The following PPARGC1A variants were observed in gnomAD, a reference collection of about 807,000 sequenced individuals.
The protein encoded by PPARGC1A is PPARG coactivator 1 alpha, also known as peroxisome proliferator-activated receptor gamma coactivator 1-alpha.
In PPARGC1A, 25 loss-of-function variants were observed where a neutral mutation model predicts 88.7. The observed-to-expected ratio is 0.28, with a 90% CI of 0.21 to 0.39. PPARGC1A has a LOEUF of 0.39. Among genes scored for constraint, PPARGC1A ranks in the 10% least tolerant of loss-of-function variants. The pLI, the probability that PPARGC1A is intolerant of heterozygous loss-of-function variation, is 1.00. For synonymous variants in PPARGC1A, 363 were observed against 355.6 expected, an observed-to-expected ratio of 1.02 and a Z score of -0.24; for missense variants, 880 against 968.7, an observed-to-expected ratio of 0.91 and a Z score of 1.22.
intron 10 of PPARGC1A, among the ~76,000 whole-genome samples, chr4:23,803,803 A>G (rs1357999090): frequency 6.6e-6 from 1 of 152,210 alleles, no homozygotes; most frequent in Non-Finnish European, 1.5e-5. Flanking sequence ...AGCTTGCCCA[A>G]GAGTTTTCTT....
chr4:24,437,559 A>G, the PPARGC1A span, among the ~76,000 whole-genome samples: 20 of 151,948 alleles, frequency 1.3e-4, no homozygotes, highest in East Asian at 3.5e-3. Context: ...AAGGACTTTG[A>G]GTTAATTCTG....
chr4:24,229,994 C>T, the PPARGC1A span, among the ~76,000 whole-genome samples: 2 of 152,208 alleles, frequency 1.3e-5, no homozygotes, highest in Non-Finnish European at 2.9e-5. Context: ...CAAAATCTCA[C>T]TGCCAGCATC....
At chr4:23,812,912 A>G (rs1721196243) in intron 9 of PPARGC1A, 45 bp from the exon 10 acceptor site, 2 of 1,613,504 alleles carry the variant, frequency 1.2e-6, no homozygotes. Flanking sequence ...CTCAATTTTC[A>G]TGAGCAAAAT....
the PPARGC1A span, among the ~76,000 whole-genome samples, chr4:24,471,465 G>A: frequency 1.3e-5 from 2 of 152,210 alleles, no homozygotes; most frequent in Non-Finnish European, 2.9e-5. This position sits in a 1 kb window ranked among gnomAD's most constrained non-coding sequence, Gnocchi z 5.4. Flanking sequence ...CAAGCGGTGG[G>A]GGCAGCAGAC....
At chr4:24,352,117 T>C in the PPARGC1A span, among the ~76,000 whole-genome samples, 2 of 152,000 alleles carry the variant, frequency 1.3e-5, no homozygotes, top group Admixed American at 6.6e-5. Context: ...ACTTGAACTA[T>C]ACAGAGCCAC....
chr4:24,308,063 G>A, the PPARGC1A span, among the ~76,000 whole-genome samples: 2 of 152,074 alleles, frequency 1.3e-5, no homozygotes, highest in East Asian at 1.9e-4. Flanking sequence ...AGGCCAAGGC[G>A]TGTGGGTCAC....
the PPARGC1A span, among the ~76,000 whole-genome samples, chr4:23,910,128 TA>T: frequency 7.8e-5 from 10 of 128,952 alleles, no homozygotes; most frequent in South Asian, 1.1e-3. Flanking sequence ...TGTATATATA[TA>T]AAAAATATAT....
the PPARGC1A span, among the ~76,000 whole-genome samples, chr4:24,035,842 G>A: frequency 6.6e-6 from 1 of 152,150 alleles, no homozygotes; most frequent in African/African-American, 2.4e-5. Context: ...CATTAGCATG[G>A]TTGGGAAAGA....
chr4:24,393,172 A>T, the PPARGC1A span, among the ~76,000 whole-genome samples: 1 of 152,210 alleles, frequency 6.6e-6, no homozygotes, highest in Non-Finnish European at 1.5e-5. Flanking sequence ...CAGGTGCTAC[A>T]AAGGCCTCAG....
At chr4:24,193,733 C>T in the PPARGC1A span, among the ~76,000 whole-genome samples, 1 of 152,142 alleles carries the variant, frequency 6.6e-6, no homozygotes, top group African/African-American at 2.4e-5. Flanking sequence ...ACTGTTTTCC[C>T]CTTCAGCTGG....
chr4:24,157,482 A>C, the PPARGC1A span, among the ~76,000 whole-genome samples: 1 of 152,050 alleles, frequency 6.6e-6, no homozygotes, highest in South Asian at 2.1e-4. Flanking sequence ...AATATCCTAC[A>C]TGTATATCTC....
chr4:24,114,123 CAAAAAA>C, the PPARGC1A span, among the ~76,000 whole-genome samples: 2 of 60,846 alleles, frequency 3.3e-5, no homozygotes, highest in Admixed American at 2.0e-4. Context: ...GACTCCATCA[CAAAAAA>C]AAAAAAAAAA....
chr4:23,870,566 A>G (rs918557781), intron 2 of PPARGC1A, among the ~76,000 whole-genome samples: 2 of 152,224 alleles, frequency 1.3e-5, no homozygotes, highest in African/African-American at 4.8e-5. Context: ...CTCATAGAAC[A>G]TCACATATTG....
At chr4:24,272,066 T>C in the PPARGC1A span, among the ~76,000 whole-genome samples, 6 of 152,268 alleles carry the variant, frequency 3.9e-5, no homozygotes, top group South Asian at 4.1e-4. Context: ...TCAAAACGCA[T>C]TGGGTTTTCT....
chr4:23,951,222 T>C, the PPARGC1A span, among the ~76,000 whole-genome samples: 1 of 152,090 alleles, frequency 6.6e-6, no homozygotes, highest in African/African-American at 2.4e-5. Flanking sequence ...GATGGTTTCC[T>C]ATGAAGAATG....
At chr4:24,342,096 T>C in the PPARGC1A span, among the ~76,000 whole-genome samples, 2 of 152,186 alleles carry the variant, frequency 1.3e-5, no homozygotes, top group African/African-American at 4.8e-5. Flanking sequence ...TTTATCTTTA[T>C]TGTAAGATGT....
the PPARGC1A span, among the ~76,000 whole-genome samples, chr4:24,051,725 A>G: frequency 1.3e-5 from 2 of 152,180 alleles, no homozygotes; most frequent in Non-Finnish European, 2.9e-5. Context: ...AACTGCTGGT[A>G]GGAAGAGGGG....
At chr4:24,167,269 T>A in the PPARGC1A span, among the ~76,000 whole-genome samples, 4 of 152,176 alleles carry the variant, frequency 2.6e-5, no homozygotes, top group African/African-American at 7.2e-5. Context: ...CCTGAAGATA[T>A]GACTGAATTG....
the PPARGC1A span, among the ~76,000 whole-genome samples, chr4:24,404,919 G>T: frequency 6.6e-6 from 1 of 152,104 alleles, no homozygotes; most frequent in South Asian, 2.1e-4. Flanking sequence ...GCCCAAATAA[G>T]ACTCTGAAGA....
Sources: gnomAD v4.1 joint callset for allele counts (sites outside exome capture counted in the v4.1 genomes callset) on GRCh38, gnomAD v4.1.1 for gene constraint, Gnocchi (gnomAD v3.1) non-coding constraint, MANE v1.5 for transcripts, NCBI Gene and HGNC (gene_info 2026-07-23, HGNC 2026-07-21) for gene names.